The following YWHAG variants were observed in gnomAD, a reference collection of about 807,000 sequenced individuals.
The protein encoded by YWHAG is tyrosine 3-monooxygenase/tryptophan 5-monooxygenase activation protein gamma.
In YWHAG, 1 loss-of-function variant was observed where a neutral mutation model predicts 23.3. The observed-to-expected ratio is 0.04, with a 90% CI of 0.02 to 0.20. The LOEUF (loss-of-function observed/expected upper bound fraction) is 0.20. Among genes scored for constraint, YWHAG ranks in the 10% least tolerant of loss-of-function variants. The probability of loss-of-function intolerance (pLI) is 1.00; values close to 1 mark genes in which losing one functional copy is unlikely to be tolerated. For synonymous variants in YWHAG, 160 were observed against 144.0 expected, an observed-to-expected ratio of 1.11 and a Z score of -0.80; for missense variants, 151 against 338.6, an observed-to-expected ratio of 0.45 and a Z score of 4.35.
At chr7:76,347,601 C>CAAACA (rs1803800019) in intron 1 of YWHAG, among the ~76,000 whole-genome samples, 1 of 125,756 alleles carries the variant, frequency 8.0e-6, no homozygotes, top group East Asian at 2.3e-4. Context: ...AACAAACAAA[C>CAAACA]AAAAAAAACA....
chr7:76,356,152 TG>T, intron 1 of YWHAG, among the ~76,000 whole-genome samples: 1 of 152,328 alleles, frequency 6.6e-6, no homozygotes, highest in East Asian at 1.9e-4. Context: ...CTCACTTGAG[TG>T]GTAAGATTGG....
intron 1 of YWHAG, among the ~76,000 whole-genome samples, chr7:76,332,901 G>A (rs143858296): frequency 0.03 from 4,507 of 152,104 alleles, 232 homozygotes; most frequent in African/African-American, 0.1. Flanking sequence ...ACAGCGTTTT[G>A]CCATGTTGGC....
intron 1 of YWHAG, among the ~76,000 whole-genome samples, chr7:76,333,221 T>C (rs1423079717): frequency 6.6e-6 from 1 of 152,084 alleles, no homozygotes; most frequent in Non-Finnish European, 1.5e-5. Flanking sequence ...CCACCCACCT[T>C]AGCCTCCCAA....
chr7:76,329,492 C>CAG lies in YWHAG; in HGVS notation c.*84_*85insCT. The CAG allele has an allele frequency of 9.3e-7, 1 of 1,070,710 alleles. No individual in the cohort carries two copies. The highest frequency in any genetic ancestry group is 1.3e-6 in the Non-Finnish European group (1 of 782,490). 66.3% of individuals were successfully genotyped at this position (1,070,710 alleles called of 1,614,324 possible). On this transcript the variant is annotated 3_prime_UTR_variant, in exon 2 of 2. Transcript: ENST00000307630. This position sits in a 1 kb window ranked among gnomAD's most constrained non-coding sequence, Gnocchi z 6.1. ...CTGGGAAGGTCATCCCTCCCTTTCCCTCCCCCACCCGACCCCCAACTCATG... is the reference window on the plus strand; with the variant it reads ...CTGGGAAGGTCATCCCTCCCTTTCCCAGTCCCCCACCCGACCCCCAACTCATG...
chr7:76,354,765 G>C (rs1328494711), intron 1 of YWHAG, among the ~76,000 whole-genome samples: 2 of 152,134 alleles, frequency 1.3e-5, no homozygotes, highest in Non-Finnish European at 2.9e-5. Context: ...TGATAATAAA[G>C]CCAGCCTTAG....
chr7:76,332,102 T>C (rs908868241), intron 1 of YWHAG, among the ~76,000 whole-genome samples: 3 of 152,204 alleles, frequency 2.0e-5, no homozygotes, highest in Non-Finnish European at 4.4e-5. Context: ...GTTTTAATGC[T>C]GGACAACGTT....
Position 76,329,509 on chromosome 7 carries a change from C to A in YWHAG, c.*68G>T. On this transcript the variant is annotated 3_prime_UTR_variant, in exon 2 of 2. Transcript: ENST00000307630. This position sits in a 1 kb window ranked among gnomAD's most constrained non-coding sequence, Gnocchi z 6.1. ...CCCTTTCCCTCCCCCACCCGACCCC[C>A]AACTCATGGGAAAAAAATAAAGACT... 1 of 1,421,538 alleles carries A rather than the reference C, an allele frequency of 7.0e-7. No homozygotes were observed. The allele number at this position is 1,421,538 out of a possible 1,614,324, so 88.1% of individuals were successfully genotyped here. A position where few individuals can be genotyped will look rare whatever the true frequency, so the allele number is the denominator to read the frequency against.
chr7:76,338,392 G>C (rs1803644904), intron 1 of YWHAG, among the ~76,000 whole-genome samples: 1 of 152,208 alleles, frequency 6.6e-6, no homozygotes, highest in Non-Finnish European at 1.5e-5. Context: ...GAGGAGAGCT[G>C]GGTGAGGGCC....
intron 1 of YWHAG, among the ~76,000 whole-genome samples, chr7:76,350,536 A>G (rs116740313): frequency 0.027 from 4,125 of 152,260 alleles, 199 homozygotes; most frequent in African/African-American, 0.093. Flanking sequence ...TTGCACCATC[A>G]TAAAGTTGAA....
chr7:76,342,130 A>G (rs904590418), intron 1 of YWHAG, among the ~76,000 whole-genome samples: 3 of 152,212 alleles, frequency 2.0e-5, no homozygotes, highest in Admixed American at 1.3e-4. Flanking sequence ...AATGTAGTGC[A>G]GGTTATATTT....
chr7:76,353,917 C>CA (rs1167495729), intron 1 of YWHAG, among the ~76,000 whole-genome samples: 3 of 151,538 alleles, frequency 2.0e-5, no homozygotes, highest in South Asian at 2.1e-4. Context: ...AAAAACGGTA[C>CA]AAAAAAATAG....
Position 76,358,982 on chromosome 7 carries a change from A to AGGCGGC in YWHAG, c.-180_-175dup. 1 of 514,410 alleles carries AGGCGGC rather than the reference A, an allele frequency of 1.9e-6. No homozygotes were observed. Among genetic ancestry groups the AGGCGGC allele is most frequent in the Non-Finnish European group, 3.2e-6 (1 of 311,904 alleles). 31.9% of individuals were successfully genotyped at this position (514,410 alleles called of 1,614,324 possible). On this transcript the variant is annotated 5_prime_UTR_variant, in exon 1 of 2. Transcript: ENST00000307630. ...AGCTGCGACCGCGGGACCGGGCGCGAGGCGGCTGCGGCTGCTGTGCGTGCC... is the reference window on the plus strand; with the variant it reads ...AGCTGCGACCGCGGGACCGGGCGCGAGGCGGCGGCGGCTGCGGCTGCTGTGCGTGCC...
intron 1 of YWHAG, among the ~76,000 whole-genome samples, chr7:76,356,754 A>G (rs1563669491): frequency 6.6e-6 from 1 of 152,256 alleles, no homozygotes; most frequent in Non-Finnish European, 1.5e-5. Flanking sequence ...TTTTGTGAGA[A>G]AGCTAGCAAT....
rs1275951666 is a variant in YWHAG at position 76,358,735 on chromosome 7, G to C, written c.74C>G (p.Ala25Gly). ...GGAGACACTCACGTTCTTCATGGCC[G>C]CGGCCATGTCGTCGTAGCGCTCCGC... ...EQAERYDDMA[A>G]AMKNVTELNE... The change falls in exon 1 of 2, where the codon GCG (alanine) becomes GGG (glycine). Residue 25 changes from alanine to glycine, a missense_variant. By Grantham distance (60) the Ala-to-Gly change is moderately conservative. Coordinates refer to ENST00000307630, the MANE Select transcript of YWHAG (RefSeq NM_012479.4). The C allele has an allele frequency of 6.3e-7, 1 of 1,591,122 alleles. No individual in the cohort carries two copies. The highest frequency in any genetic ancestry group is 8.5e-7 in the Non-Finnish European group (1 of 1,170,346).
chr7:76,358,681 G>A (rs777051691), intron 1 of YWHAG, 41 bp downstream of exon 1: 1 of 1,537,312 alleles, frequency 6.5e-7, no homozygotes, highest in Non-Finnish European at 8.8e-7. Context: ...CCGCGTCTTC[G>A]GAGGGGCAGG....
chr7:76,344,072 T>G (rs2115627074), intron 1 of YWHAG, among the ~76,000 whole-genome samples: 1 of 152,290 alleles, frequency 6.6e-6, no homozygotes, highest in Middle Eastern at 3.4e-3. Flanking sequence ...ATGGAACAGA[T>G]GAACCTGGGG....
In YWHAG at chr7:76,329,559, G is replaced by T; in HGVS notation, c.*18C>A. On this transcript the variant is annotated 3_prime_UTR_variant, in exon 2 of 2. Coordinates refer to ENST00000307630, the MANE Select transcript of YWHAG (RefSeq NM_012479.4). This position sits in a 1 kb window ranked among gnomAD's most constrained non-coding sequence, Gnocchi z 6.1. ...TGCAGTAGTAGCATCCGCGTGCGCT[G>T]CCAGTTCCCCTGGGGCCTTAATTGT... is the stretch of plus-strand genomic sequence containing the variant. The T allele has an allele frequency of 6.3e-7, 1 of 1,586,578 alleles. No individual in the cohort carries two copies. Among genetic ancestry groups the T allele is most frequent in the Non-Finnish European group, 8.6e-7 (1 of 1,163,756 alleles).
At chr7:76,346,706 C>A (rs1306197755) in intron 1 of YWHAG, among the ~76,000 whole-genome samples, 2 of 152,138 alleles carry the variant, frequency 1.3e-5, no homozygotes, top group Admixed American at 1.3e-4. Flanking sequence ...ATCTACTCCT[C>A]AGCCTCCCCT....
chr7:76,358,877 C>T lies in YWHAG; in HGVS notation c.-69G>A, dbSNP rs867323683. On this transcript the variant is annotated 5_prime_UTR_variant, in exon 1 of 2. Coordinates refer to ENST00000307630, the MANE Select transcript of YWHAG (RefSeq NM_012479.4). ...GGCGGCCTGAAGGGCTTGGAGGGCG[C>T]GACTGGAGCCCAAGTGCCGGAGAGG... 2.1e-5 allele frequency: 31 copies of T among 1,447,280 alleles called. No individual in the cohort carries two copies. The African/African-American group carries it at 3.6e-4, about 17-fold the overall frequency. 89.7% of individuals were successfully genotyped at this position (1,447,280 alleles called of 1,614,324 possible).
Sources: allele counts gnomAD v4.1 joint callset (sites outside exome capture counted in the v4.1 genomes callset), GRCh38; gene constraint gnomAD v4.1.1; non-coding constraint Gnocchi (gnomAD v3.1); transcripts MANE v1.5; gene names NCBI Gene and HGNC (gene_info 2026-07-23, HGNC 2026-07-21).